RGS8: variants seen among roughly 807,000 people sequenced by gnomAD.
The protein encoded by RGS8 is regulator of G-protein signaling 8.
RGS8 carries 8 observed loss-of-function variants against 21.7 expected under a neutral mutation model. The observed-to-expected ratio is 0.37, with a 90% CI of 0.22 to 0.66. RGS8 has a LOEUF of 0.66. Among genes scored for constraint, RGS8 ranks in the 30% least tolerant of loss-of-function variants. RGS8 has a pLI of 0.59. For missense variants in RGS8, 157 were observed against 217.9 expected (o/e 0.72, Z 1.76); for synonymous variants, 80 against 83.6 (o/e 0.96, Z 0.24).
chr1:182,749,948 C>T, the RGS8 span, among the ~76,000 whole-genome samples: 2 of 152,164 alleles, frequency 1.3e-5, no homozygotes, highest in Non-Finnish European at 2.9e-5. Context: ...TCTCACTGTA[C>T]TTAACCTCTC....
chr1:182,747,793 T>C, the RGS8 span, among the ~76,000 whole-genome samples: 1 of 150,478 alleles, frequency 6.6e-6, no homozygotes, highest in Non-Finnish European at 1.5e-5. Context: ...GAGAATGACC[T>C]GAGTTTAAGA....
intron 1 of RGS8, among the ~76,000 whole-genome samples, chr1:182,683,829 T>G (rs1319851653): frequency 6.6e-6 from 1 of 152,174 alleles, no homozygotes; most frequent in African/African-American, 2.4e-5. Context: ...GTGACCAACG[T>G]TAGTCACCAG....
At chr1:182,749,234 T>G in the RGS8 span, among the ~76,000 whole-genome samples, 6 of 152,252 alleles carry the variant, frequency 3.9e-5, no homozygotes, top group South Asian at 2.1e-4. Flanking sequence ...GGTCTTACAC[T>G]TAAGTCTTTA....
chr1:182,741,163 G>A, the RGS8 span, among the ~76,000 whole-genome samples: 6 of 149,342 alleles, frequency 4.0e-5, no homozygotes, highest in Non-Finnish European at 7.4e-5. Context: ...TCCCGGACGG[G>A]GCGGCTGGCC....
intron 5 of RGS8, among the ~76,000 whole-genome samples, chr1:182,661,269 C>T (rs989053653): frequency 1.3e-5 from 2 of 151,904 alleles, no homozygotes; most frequent in Non-Finnish European, 1.5e-5. Context: ...ACTGTACTAT[C>T]CATTAACCCA....
At chr1:182,672,891 G>T, upstream of RGS8, 1 of 1,605,280 alleles carries the variant, frequency 6.2e-7, no homozygotes, top group South Asian at 1.1e-5. Context: ...TAGTGTAGTG[G>T]TTCTCCAAGC....
the RGS8 span, among the ~76,000 whole-genome samples, chr1:182,735,097 A>T: frequency 6.6e-6 from 1 of 152,160 alleles, no homozygotes; most frequent in African/African-American, 2.4e-5. Context: ...GTCTCTCTTC[A>T]GGCTAACCCC....
the RGS8 span, among the ~76,000 whole-genome samples, chr1:182,691,990 T>G: frequency 6.6e-6 from 1 of 151,806 alleles, no homozygotes; most frequent in Non-Finnish European, 1.5e-5. Flanking sequence ...TGTATGAAAA[T>G]TAGTAGTTAG....
At position 182,684,160 on chromosome 1, in the gene RGS8, T is replaced by C. The variant is rs1264931943; in HGVS notation, n.221+196A>G. Among the ~76,000 whole-genome samples, 1 of 152,234 alleles carries C rather than the reference T, an allele frequency of 6.6e-6. No homozygotes were observed. The highest frequency in any genetic ancestry group is 1.5e-5 in the Non-Finnish European group (1 of 68,040). On this transcript the variant is annotated intron_variant and non_coding_transcript_variant, in intron 1 of 4. Transcript: ENST00000515211. This position sits in a 1 kb window ranked among gnomAD's most constrained non-coding sequence, Gnocchi z 4.2. ...TAACTGGGAAGAACAGGCATATTTC[T>C]ACACCCTTGCTCCTGGCGGAGGTGG... is the stretch of plus-strand genomic sequence containing the variant.
At chr1:182,742,388 G>T in the RGS8 span, among the ~76,000 whole-genome samples, 1 of 151,792 alleles carries the variant, frequency 6.6e-6, no homozygotes, top group African/African-American at 2.4e-5. Context: ...CAAGGCAGGC[G>T]GCTGGGAGGT....
the RGS8 span, among the ~76,000 whole-genome samples, chr1:182,735,396 A>T: frequency 1.3e-5 from 2 of 152,276 alleles, no homozygotes; most frequent in Non-Finnish European, 2.9e-5. Flanking sequence ...AAAGATATCC[A>T]TTAGTTAACT....
chr1:182,721,871 C>T, the RGS8 span, among the ~76,000 whole-genome samples: 1 of 152,202 alleles, frequency 6.6e-6, no homozygotes, highest in Non-Finnish European at 1.5e-5. Flanking sequence ...TTCTTCCAAT[C>T]ACATGTATAT....
At chr1:182,721,731 C>G in the RGS8 span, among the ~76,000 whole-genome samples, 1 of 152,100 alleles carries the variant, frequency 6.6e-6, no homozygotes, top group East Asian at 1.9e-4. Flanking sequence ...ACTCGTTCAG[C>G]TTTACAACAC....
chr1:182,675,144 A>G (rs954437376), upstream of RGS8, among the ~76,000 whole-genome samples: 1 of 151,992 alleles, frequency 6.6e-6, no homozygotes, highest in South Asian at 2.1e-4. Context: ...CCCATCCTCC[A>G]TTCCTGCTGG....
At chr1:182,720,862 C>T in the RGS8 span, among the ~76,000 whole-genome samples, 2 of 145,042 alleles carry the variant, frequency 1.4e-5, no homozygotes, top group African/African-American at 2.5e-5. Context: ...CATATATATA[C>T]ATATATACAC....
chr1:182,750,153 A>G, the RGS8 span, among the ~76,000 whole-genome samples: 1 of 152,212 alleles, frequency 6.6e-6, no homozygotes, highest in Non-Finnish European at 1.5e-5. Context: ...ATAGTATGAG[A>G]TATGTTTAAC....
intron 5 of RGS8, among the ~76,000 whole-genome samples, chr1:182,653,733 A>G (rs560321425): frequency 6.6e-6 from 1 of 152,292 alleles, no homozygotes; most frequent in South Asian, 2.1e-4. Flanking sequence ...AGACTTGGGT[A>G]TGTGTAAATG....
chr1:182,672,630 CTG>C (rs1664220452), upstream of RGS8, among the ~76,000 whole-genome samples: 1 of 152,264 alleles, frequency 6.6e-6, no homozygotes, highest in East Asian at 1.9e-4. Context: ...ATTTCCAACT[CTG>C]TGCTCCTGCC....
the RGS8 span, among the ~76,000 whole-genome samples, chr1:182,730,500 C>T: frequency 3.3e-5 from 5 of 151,882 alleles, no homozygotes; most frequent in African/African-American, 1.2e-4. Flanking sequence ...GCCTGAGCTC[C>T]GGAGTTCGAG....
Sources: gnomAD v4.1 joint callset for allele counts (sites outside exome capture counted in the v4.1 genomes callset) on GRCh38, gnomAD v4.1.1 for gene constraint, Gnocchi (gnomAD v3.1) non-coding constraint, MANE v1.5 for transcripts, NCBI Gene and HGNC (gene_info 2026-07-23, HGNC 2026-07-21) for gene names.